ZNF649: variants seen among roughly 807,000 people sequenced by gnomAD.
ZNF649 encodes the protein zinc finger protein 649.
In ZNF649, 7 loss-of-function variants were observed where a neutral mutation model predicts 14.1. The observed-to-expected ratio is 0.49, with a 90% CI of 0.28 to 0.93. The LOEUF (loss-of-function observed/expected upper bound fraction) is 0.93. ZNF649 is among the 40% of genes least tolerant of loss of function. ZNF649 has a pLI of 0.10. For missense variants in ZNF649, 544 were observed against 608.1 expected (o/e 0.89, Z 1.11); for synonymous variants, 227 against 212.3 (o/e 1.07, Z -0.60).
At chr19:51,893,192 ACAGT>A (rs1213851947) in intron 4 of ZNF649, among the ~76,000 whole-genome samples, 1 of 152,128 alleles carries the variant, frequency 6.6e-6, no homozygotes, top group Non-Finnish European at 1.5e-5. Flanking sequence ...CTGCTAGCAT[ACAGT>A]CAAATTCCAC....
chr19:51,896,004 A>G (rs1471122449), intron 4 of ZNF649: 1 of 160,288 alleles, frequency 6.2e-6, no homozygotes, highest in Non-Finnish European at 1.4e-5. Context: ...TCAGGTAGAT[A>G]GGGTCAGAGC....
Position 51,891,873 on chromosome 19 carries a change from A to C in ZNF649, c.263T>G (p.Leu88Arg), listed in dbSNP as rs1308537151. ...TTTTTGGTTTTGCAAGGGCTGCTGCAGATGATCATCAGCTTTCTCAATTTC... is the reference window on the plus strand; with the variant it reads ...TTTTTGGTTTTGCAAGGGCTGCTGCCGATGATCATCAGCTTTCTCAATTTC... ...HPEIEKADDHLQQPLQNQKIL... is the reference protein window; with the variant it reads ...HPEIEKADDHRQQPLQNQKIL... The change falls in exon 5 of 5, where the codon CTG (leucine) becomes CGG (arginine). Residue 88 changes from leucine to arginine, a missense_variant. Physicochemically the swap from Leu to Arg is moderately radical, Grantham distance 102 (BLOSUM62 -2). Coordinates refer to ENST00000354957, the MANE Select transcript of ZNF649 (RefSeq NM_023074.4). This position sits in a 1 kb window ranked among gnomAD's most constrained non-coding sequence, Gnocchi z 4.2. 6.4e-7 allele frequency: 1 copy of C among 1,570,876 alleles called. No individual in the cohort carries two copies. The highest frequency in any genetic ancestry group is 2.2e-5 in the East Asian group (1 of 44,686).
rs1459849704 is a variant in ZNF649 at position 51,890,393 on chromosome 19, C to G, written c.*225G>C. Reference sequence around the variant, plus strand: ...CATTCTGAGGAACACCAAGTGGAAGCCTCTAAAACTGCCCCCCTCCCCAGC... The same window carrying G: ...CATTCTGAGGAACACCAAGTGGAAGGCTCTAAAACTGCCCCCCTCCCCAGC... On this transcript the variant is annotated 3_prime_UTR_variant, in exon 5 of 5. Coordinates refer to ENST00000354957, the MANE Select transcript of ZNF649 (RefSeq NM_023074.4). 3 of 481,338 alleles carry G rather than the reference C, an allele frequency of 6.2e-6. No individual in the cohort carries two copies. Among genetic ancestry groups the G allele is most frequent in the Non-Finnish European group, 1.1e-5 (3 of 274,094 alleles). The allele number at this position is 481,338 out of a possible 1,614,324, so 29.8% of individuals were successfully genotyped here. A position where few individuals can be genotyped will look rare whatever the true frequency, so the allele number is the denominator to read the frequency against.
At chr19:51,902,553 G>A (rs62107512) in intron 1 of ZNF649, among the ~76,000 whole-genome samples, 19 of 152,250 alleles carry the variant, frequency 1.2e-4, no homozygotes, top group Middle Eastern at 3.4e-3. Flanking sequence ...CACTGCCAGC[G>A]CTTATTTCAT....
At chr19:51,892,236 C>T (rs1052383114) in intron 4 of ZNF649, among the ~76,000 whole-genome samples, 17 of 151,800 alleles carry the variant, frequency 1.1e-4, no homozygotes, top group Non-Finnish European at 1.6e-4. Context: ...ATTGGCTGGG[C>T]GTGGTGGCAC....
chr19:51,890,719 A>G lies in ZNF649; in HGVS notation c.1417T>C (p.Leu473=), dbSNP rs1308342207. ...CCCTGCACATGTTCACTAGGACTTA[A>G]GCTGTGACTTGCTGTGGAAGGATTT... ...VENPSTASHS[L]SPSEHVQGKS... The change falls in exon 5 of 5, where the codon TTA becomes CTA. Residue 473 remains leucine, a synonymous_variant. Coordinates refer to ENST00000354957, the MANE Select transcript of ZNF649 (RefSeq NM_023074.4). 4 of 1,614,210 alleles carry G rather than the reference A, an allele frequency of 2.5e-6. No individual in the cohort carries two copies. In the East Asian group the frequency reaches 8.9e-5, roughly 36 times the overall value.
chr19:51,895,093 G>C lies in ZNF649; in HGVS notation c.238+1379C>G, dbSNP rs1342366298. The stretch of plus-strand genomic sequence containing the variant: ...GAAGAAGAATGAAAACCAGGCCCTT[G>C]ACTCCAGAGTAGCAAAGGAACCTCA... On this transcript the variant is annotated intron_variant, in intron 4 of 4. Transcript: ENST00000354957. Among the ~76,000 whole-genome samples, 5 of 152,198 alleles carry C rather than the reference G, an allele frequency of 3.3e-5. No homozygotes were observed. In the East Asian group the frequency reaches 9.6e-4, roughly 29 times the overall value.
chr19:51,894,070 C>T (rs1319775085), intron 4 of ZNF649, among the ~76,000 whole-genome samples: 2 of 152,156 alleles, frequency 1.3e-5, no homozygotes, highest in Non-Finnish European at 2.9e-5. Context: ...GTTCCCACTT[C>T]ACCATTTCCC....
intron 1 of ZNF649, among the ~76,000 whole-genome samples, chr19:51,901,950 CAAAAAAAAAA>C (rs35820639): frequency 3.1e-5 from 2 of 63,616 alleles, no homozygotes; most frequent in Admixed American, 3.2e-4. Context: ...GACTCTGTAT[CAAAAAAAAAA>C]AAAAAAAAAA....
intron 2 of ZNF649, among the ~76,000 whole-genome samples, chr19:51,898,730 T>A (rs560327204): frequency 4.6e-5 from 7 of 151,620 alleles, no homozygotes; most frequent in Non-Finnish European, 1.0e-4. Context: ...GGCCAAGATA[T>A]TGAAACCCTG....
At chr19:51,898,261 G>GCTCGGTCCCACAAGACTGCC (rs1249718499) in intron 2 of ZNF649, among the ~76,000 whole-genome samples, 1 of 151,984 alleles carries the variant, frequency 6.6e-6, no homozygotes, top group Non-Finnish European at 1.5e-5. Context: ...AGGTTTCAGG[G>GCTCGGTCCCACAAGACTGCC]CTCGGTCCCA....
chr19:51,896,298 T>G, intron 4 of ZNF649, 174 bp downstream of exon 4: 1 of 571,632 alleles, frequency 1.7e-6, no homozygotes, highest in South Asian at 2.1e-5. Flanking sequence ...GATAAAGGGG[T>G]ATGTATGCTT....
chr19:51,894,144 T>C (rs2085043640), intron 4 of ZNF649, among the ~76,000 whole-genome samples: 1 of 152,106 alleles, frequency 6.6e-6, no homozygotes, highest in Admixed American at 6.5e-5. Context: ...TTTTTTTCTT[T>C]TTTTTTGAGA....
At chr19:51,898,513 A>T (rs1375591193) in intron 2 of ZNF649, among the ~76,000 whole-genome samples, 2 of 152,122 alleles carry the variant, frequency 1.3e-5, no homozygotes, top group African/African-American at 4.8e-5. Flanking sequence ...GGAGCCTCTG[A>T]TCCCATGGAA....
intron 4 of ZNF649, among the ~76,000 whole-genome samples, chr19:51,895,203 T>A (rs755035048): frequency 3.3e-5 from 5 of 152,094 alleles, no homozygotes; most frequent in Non-Finnish European, 5.9e-5. Context: ...AATTTAGACA[T>A]GGAAGATATT....
intron 3 of ZNF649, 21 bp from the exon 4 acceptor site, chr19:51,896,588 A>G (rs1156935976): frequency 6.2e-7 from 1 of 1,612,460 alleles, no homozygotes; most frequent in African/African-American, 1.3e-5. Flanking sequence ...GAAATGGGAG[A>G]AGACTTAGGC....
At position 51,897,079 on chromosome 19, in the gene ZNF649, A is replaced by G. The variant is rs545452867; in HGVS notation, c.16-101T>C. The G allele has an allele frequency of 7.9e-6, 12 of 1,524,116 alleles. No individual in the cohort carries two copies. The East Asian group carries it at 1.1e-4, about 14-fold the overall frequency. The allele number at this position is 1,524,116 out of a possible 1,614,324, so 94.4% of individuals were successfully genotyped here. A position where few individuals can be genotyped will look rare whatever the true frequency, so the allele number is the denominator to read the frequency against. ...TTCACCACATAAGCTGCACCTGCAC[A>G]GTTGTCCCTTGGTATACTCAATGGA... On this transcript the variant is annotated intron_variant, in intron 2 of 4. Transcript: ENST00000354957.
chr19:51,899,303 G>A (rs1189193864), intron 2 of ZNF649, among the ~76,000 whole-genome samples: 1 of 152,180 alleles, frequency 6.6e-6, no homozygotes, highest in Non-Finnish European at 1.5e-5. Context: ...GAAGGGCTCT[G>A]TATTTTCTGA....
At chr19:51,899,588 A>G (rs1336098793) in intron 2 of ZNF649, among the ~76,000 whole-genome samples, 1 of 152,252 alleles carries the variant, frequency 6.6e-6, no homozygotes, top group Non-Finnish European at 1.5e-5. Context: ...AGTCCCATAG[A>G]GGACTCAGAA....
Sources: allele counts gnomAD v4.1 joint callset (sites outside exome capture counted in the v4.1 genomes callset), GRCh38; gene constraint gnomAD v4.1.1; non-coding constraint Gnocchi (gnomAD v3.1); transcripts MANE v1.5; gene names NCBI Gene and HGNC (gene_info 2026-07-23, HGNC 2026-07-21).